IL33: variants seen among roughly 807,000 people sequenced by gnomAD.
IL33 encodes interleukin-33.
A neutral mutation model predicts 27.3 loss-of-function variants in IL33; 37 were observed. The ratio of observed to expected loss-of-function variants is 1.36; its 90% CI spans 1.04 to 1.78. The LOEUF (loss-of-function observed/expected upper bound fraction) is 1.78. IL33 is among the 40% of genes most tolerant of loss of function. The pLI is 0.00. For synonymous variants in IL33, 132 were observed against 102.9 expected (o/e 1.28, Z -1.71); for missense variants, 406 against 311.4 (o/e 1.30, Z -2.29).
chr9:6,232,354 CTGT>C (rs1239117245), intron 1 of IL33, among the ~76,000 whole-genome samples: 3 of 152,298 alleles, frequency 2.0e-5, no homozygotes, highest in African/African-American at 4.8e-5. Flanking sequence ...ATATTTCTCA[CTGT>C]TGTTGTTGTT....
At chr9:6,254,273 C>T (rs953614165) in intron 6 of IL33, among the ~76,000 whole-genome samples, 189 bp from the exon 7 acceptor site, 3 of 152,074 alleles carry the variant, frequency 2.0e-5, no homozygotes, top group Admixed American at 6.6e-5. Flanking sequence ...AATTTCTCTC[C>T]GGTTTATAAG....
intron 1 of IL33, among the ~76,000 whole-genome samples, chr9:6,221,972 G>A (rs1211383853): frequency 6.6e-6 from 1 of 152,152 alleles, no homozygotes; most frequent in African/African-American, 2.4e-5. Flanking sequence ...GAATTCCACA[G>A]AGAAATAATG....
intron 2 of IL33, 104 bp from the exon 3 acceptor site, chr9:6,250,370 T>C (rs999598181): frequency 1.0e-5 from 13 of 1,286,758 alleles, no homozygotes; most frequent in Non-Finnish European, 1.3e-5. Context: ...TCTGATAAGA[T>C]ACTGTGAACC....
At position 6,242,566 on chromosome 9, in the gene IL33, A is replaced by C. The variant is rs535624203; in HGVS notation, c.91+781A>C. The C allele has an allele frequency of 2.0e-5, 3 of 152,354 alleles. No individual in the cohort carries two copies. The South Asian group carries it at 6.2e-4, about 32-fold the overall frequency. The allele number at this position is 152,354 out of a possible 1,614,324, so 9.4% of individuals were successfully genotyped here. ...CAAGAATGTTAACATCACATGTAGG[A>C]ATGCTACATTTTCCAGGATTTGACA... On this transcript the variant is annotated intron_variant, in intron 2 of 7. Coordinates refer to ENST00000682010, the MANE Select transcript of IL33 (RefSeq NM_033439.4).
chr9:6,256,616 G>A lies in IL33; in HGVS notation c.*448G>A, dbSNP rs1816746618. ...ATAGGCTCAAACACTAGAGCTGCTA[G>A]TAAAAAGAAGACCAGATGCTTCACA... On this transcript the variant is annotated 3_prime_UTR_variant, in exon 8 of 8. Coordinates refer to ENST00000682010, the MANE Select transcript of IL33 (RefSeq NM_033439.4). 1 of 293,038 alleles carries A rather than the reference G, an allele frequency of 3.4e-6. No individual in the cohort carries two copies. Among genetic ancestry groups the A allele is most frequent in the Non-Finnish European group, 6.3e-6 (1 of 159,598 alleles). 18.2% of individuals were successfully genotyped at this position (293,038 alleles called of 1,614,324 possible).
At chr9:6,228,286 G>C (rs1380866104) in intron 1 of IL33, among the ~76,000 whole-genome samples, 1 of 151,784 alleles carries the variant, frequency 6.6e-6, no homozygotes, top group Non-Finnish European at 1.5e-5. Context: ...CCTGGTTACA[G>C]ACCAAGACTC....
chr9:6,218,005 C>G (rs769476845), intron 1 of IL33, among the ~76,000 whole-genome samples: 2 of 152,156 alleles, frequency 1.3e-5, no homozygotes, highest in Admixed American at 1.3e-4. Flanking sequence ...ATACTTAATG[C>G]TCCTCTTTTG....
chr9:6,249,728 G>A (rs1816219360), intron 2 of IL33, among the ~76,000 whole-genome samples: 1 of 152,166 alleles, frequency 6.6e-6, no homozygotes. Flanking sequence ...CGCCAGCTCT[G>A]TAATCTTGGG....
chr9:6,238,237 T>A (rs547019313), intron 1 of IL33, among the ~76,000 whole-genome samples: 1 of 152,216 alleles, frequency 6.6e-6, no homozygotes, highest in South Asian at 2.1e-4. Context: ...ATCTTCAGAG[T>A]TTCAGTCTAC....
chr9:6,255,864 C>A, intron 7 of IL33, 104 bp from the exon 8 acceptor site: 3 of 880,036 alleles, frequency 3.4e-6, no homozygotes, highest in Non-Finnish European at 5.5e-6. Flanking sequence ...CTAGAAATAT[C>A]AAGTCATAAA....
intron 2 of IL33, among the ~76,000 whole-genome samples, chr9:6,246,011 C>T (rs1455888777): frequency 1.7e-5 from 2 of 118,714 alleles, no homozygotes; most frequent in Admixed American, 1.2e-4. Context: ...TGCAGTGAGC[C>T]GAGATCACGC....
chr9:6,253,029 A>G (rs1200647354), intron 5 of IL33, 38 bp downstream of exon 5: 1 of 1,290,948 alleles, frequency 7.7e-7, no homozygotes, highest in Non-Finnish European at 1.1e-6. Context: ...TGTAATAATG[A>G]CTAATAAAAG....
intron 1 of IL33, among the ~76,000 whole-genome samples, chr9:6,230,409 A>T (rs1241270881): frequency 6.6e-6 from 1 of 152,122 alleles, no homozygotes; most frequent in Non-Finnish European, 1.5e-5. Flanking sequence ...AGTGATCCAG[A>T]TTGGGTGAGG....
chr9:6,246,988 A>AGAATT (rs1819896417), intron 2 of IL33, among the ~76,000 whole-genome samples: 1 of 152,242 alleles, frequency 6.6e-6, no homozygotes, highest in Admixed American at 6.5e-5. Flanking sequence ...GAAGATATAC[A>AGAATT]CAGAAAGAGA....
chr9:6,254,668 T>C (rs1816622975), intron 7 of IL33, 115 bp downstream of exon 7: 1 of 495,076 alleles, frequency 2.0e-6, no homozygotes. Context: ...GATTTTTTTG[T>C]GTGCTATTGT....
chr9:6,252,839 G>A (rs756508506), intron 4 of IL33, 27 bp from the exon 5 acceptor site: 27 of 1,590,420 alleles, frequency 1.7e-5, no homozygotes, highest in Non-Finnish European at 2.2e-5. Flanking sequence ...AATTGTGCCT[G>A]ACAAATTTTT....
chr9:6,237,648 A>C (rs1240172606), intron 1 of IL33, among the ~76,000 whole-genome samples: 3 of 152,218 alleles, frequency 2.0e-5, no homozygotes, highest in African/African-American at 7.2e-5. Context: ...AGGACTATCA[A>C]CACCTTTTCT....
chr9:6,221,581 A>ATTTCTT (rs1818414270), intron 1 of IL33, among the ~76,000 whole-genome samples: 1 of 152,234 alleles, frequency 6.6e-6, no homozygotes, highest in Non-Finnish European at 1.5e-5. Context: ...ATAAAAGTAT[A>ATTTCTT]AAACTTAGAA....
chr9:6,253,044 A>T, intron 5 of IL33, 53 bp downstream of exon 5: 1 of 1,181,288 alleles, frequency 8.5e-7, no homozygotes, highest in Non-Finnish European at 1.2e-6. Context: ...TAAAAGTAAA[A>T]CATTTTAATA....
Sources: gnomAD v4.1 joint callset for allele counts (sites outside exome capture counted in the v4.1 genomes callset) on GRCh38, gnomAD v4.1.1 for gene constraint, MANE v1.5 for transcripts, NCBI Gene and HGNC (gene_info 2026-07-23, HGNC 2026-07-21) for gene names.